Variants in MLLT10 observed in about 807,000 individuals in gnomAD.
The protein encoded by MLLT10 is protein AF-10.
Under a neutral mutation model 129.1 loss-of-function variants are expected in MLLT10, and 30 were observed. The observed-to-expected ratio is 0.23, with a 90% CI of 0.17 to 0.32. The LOEUF (loss-of-function observed/expected upper bound fraction) is 0.32. Among genes scored for constraint, MLLT10 ranks in the 10% least tolerant of loss-of-function variants. The pLI is 1.00. For synonymous variants in MLLT10, 490 were observed against 446.4 expected (o/e 1.10, Z -1.23); for missense variants, 1,119 against 1,268.3 (o/e 0.88, Z 1.79).
intron 8 of MLLT10, among the ~76,000 whole-genome samples, chr10:21,643,552 G>A (rs2048215659): frequency 1.3e-5 from 2 of 152,058 alleles, no homozygotes; most frequent in Admixed American, 1.3e-4. Flanking sequence ...TAGGACTTGT[G>A]TTCTCTGATT....
chr10:21,701,232 G>T (rs1344161798), intron 13 of MLLT10, among the ~76,000 whole-genome samples: 1 of 148,494 alleles, frequency 6.7e-6, no homozygotes, highest in East Asian at 2.0e-4. Context: ...TGTCTAGCTA[G>T]CAGTTCATCA....
At chr10:21,534,829 G>A in intron 2 of MLLT10, 25 bp downstream of exon 2, 1 of 1,561,542 alleles carries the variant, frequency 6.4e-7, no homozygotes, top group Non-Finnish European at 8.7e-7. Context: ...GCCCGCCGGG[G>A]CGCGCCGGCC....
At chr10:21,726,525 A>C (rs1290598675) in intron 15 of MLLT10, among the ~76,000 whole-genome samples, 170 bp downstream of exon 15, 4 of 152,244 alleles carry the variant, frequency 2.6e-5, no homozygotes, top group African/African-American at 9.6e-5. Context: ...GGTGCTGGTT[A>C]TGTTAACTAG....
intron 3 of MLLT10, among the ~76,000 whole-genome samples, chr10:21,550,787 C>A (rs922247599): frequency 6.6e-6 from 1 of 152,032 alleles, no homozygotes; most frequent in African/African-American, 2.4e-5. Context: ...CTGACTCAGC[C>A]TACCAAAGTG....
In MLLT10 at chr10:21,582,814, A is replaced by G. The variant is rs534782482; in HGVS notation, c.241-3480A>G. Among the ~76,000 whole-genome samples, 9 of 152,336 alleles carry G rather than the reference A, an allele frequency of 5.9e-5. No individual in the cohort carries two copies. The South Asian group carries it at 1.9e-3, about 32-fold the overall frequency. Reference sequence around the variant, plus strand: ...GCGTGAGCAATGTGTCATTGAAAATATCATTACCAGTATATGAAAAGAGCA... The same window carrying G: ...GCGTGAGCAATGTGTCATTGAAAATGTCATTACCAGTATATGAAAAGAGCA... On this transcript the variant is annotated intron_variant, in intron 3 of 22. Transcript: ENST00000307729.
chr10:21,718,309 C>T (rs531797648), intron 14 of MLLT10, among the ~76,000 whole-genome samples: 216 of 152,250 alleles, frequency 1.4e-3, no homozygotes, highest in Non-Finnish European at 2.6e-3. Flanking sequence ...GAAGAGCGGA[C>T]TCCTGTCCAT....
At chr10:21,554,841 A>G (rs1588900565) in intron 3 of MLLT10, among the ~76,000 whole-genome samples, 1 of 144,652 alleles carries the variant, frequency 6.9e-6, no homozygotes, top group African/African-American at 2.6e-5. Flanking sequence ...TTTTTTTTTT[A>G]GACAGAGTTT....
At chr10:21,539,513 C>A (rs2034708447) in intron 3 of MLLT10, among the ~76,000 whole-genome samples, 1 of 151,570 alleles carries the variant, frequency 6.6e-6, no homozygotes, top group Non-Finnish European at 1.5e-5. Context: ...GTGGTTCACA[C>A]CTGTAATCCC....
intron 8 of MLLT10, among the ~76,000 whole-genome samples, chr10:21,630,584 G>T (rs1343814131): frequency 6.6e-6 from 1 of 152,222 alleles, no homozygotes; most frequent in Non-Finnish European, 1.5e-5. Flanking sequence ...AATTTCTCCT[G>T]TAATTCAGTC....
Position 21,730,919 on chromosome 10 carries a change from C to G in MLLT10, c.2083C>G (p.Gln695Glu), listed in dbSNP as rs2131573351. Residue 695 changes from glutamine to glutamate, a missense_variant, in exon 17 of 23, where the codon CAG becomes GAG. Physicochemically the swap from Gln to Glu is conservative, Grantham distance 29. This residue lies in a region of MLLT10 where 1,004 missense variants were observed against 1,008.7 expected (regional missense o/e 1.00). Transcript: ENST00000307729. ...CAACAGATCCCCTGTAAGCAGCTTA[C>G]AGATTCGCTATGATCAACCAGGCAA... ...LSPRSPVSSL[Q>E]IRYDQPGNSS... 1 of 1,614,150 alleles carries G rather than the reference C, an allele frequency of 6.2e-7. No individual in the cohort carries two copies. Among genetic ancestry groups the G allele is most frequent in the East Asian group, 2.2e-5 (1 of 44,882 alleles).
chr10:21,652,069 TGCCTGGCC>T (rs2131324438), intron 9 of MLLT10, among the ~76,000 whole-genome samples: 1 of 152,074 alleles, frequency 6.6e-6, no homozygotes, highest in East Asian at 1.9e-4. Context: ...CGTGCCACTG[TGCCTGGCC>T]AATTTTTTGT....
chr10:21,673,909 A>G lies in MLLT10; in HGVS notation c.1611A>G (p.Pro537=), dbSNP rs766832971. 4.9e-5 allele frequency: 78 copies of G among 1,594,194 alleles called. No homozygotes were observed. The highest frequency in any genetic ancestry group is 3.1e-4 in the East Asian group (14 of 44,652). Residue 537 remains proline, a synonymous_variant, in exon 11 of 23, where the codon CCA becomes CCG. Coordinates refer to ENST00000307729, the MANE Select transcript of MLLT10 (RefSeq NM_001195626.3). ...AGAGCCTCAGTGTTGGCTCATCTCC[A>G]GTTGGTTCAGGTAGGGGTTTGCCTA... is the stretch of plus-strand genomic sequence containing the variant. ...SLQSLSVGSS[P]VGSEISMQYR...
intron 8 of MLLT10, among the ~76,000 whole-genome samples, chr10:21,629,408 G>A (rs1409461533): frequency 6.6e-6 from 1 of 151,554 alleles, no homozygotes; most frequent in Non-Finnish European, 1.5e-5. Flanking sequence ...CTCTCTATTG[G>A]ATGCATAGGT....
chr10:21,707,221 T>C (rs1471332674), intron 13 of MLLT10, among the ~76,000 whole-genome samples: 2 of 148,952 alleles, frequency 1.3e-5, no homozygotes, highest in African/African-American at 2.5e-5. Flanking sequence ...GAGACGGAGT[T>C]TCGCTCTGTT....
At chr10:21,555,812 C>G (rs2037852089) in intron 3 of MLLT10, among the ~76,000 whole-genome samples, 1 of 151,204 alleles carries the variant, frequency 6.6e-6, no homozygotes, top group African/African-American at 2.4e-5. Context: ...GGTTTATAGG[C>G]ATGCACCACG....
intron 3 of MLLT10, among the ~76,000 whole-genome samples, chr10:21,575,733 A>G (rs1039403503): frequency 3.9e-5 from 6 of 152,288 alleles, no homozygotes; most frequent in East Asian, 1.9e-4. Flanking sequence ...GTGTTAAAAT[A>G]TCTTACCACG....
intron 12 of MLLT10, 99 bp downstream of exon 12, chr10:21,681,475 C>A: frequency 2.6e-6 from 2 of 784,166 alleles, no homozygotes; most frequent in South Asian, 1.7e-5. Flanking sequence ...TTTTAATATT[C>A]CAAAATGCAA....
chr10:21,619,865 T>G lies in MLLT10; in HGVS notation c.699+2658T>G, dbSNP rs986310705. Among the ~76,000 whole-genome samples, 48 of 152,228 alleles carry G rather than the reference T, an allele frequency of 3.2e-4. 2 individuals are homozygous for G. Among genetic ancestry groups the G allele is most frequent in the South Asian group, 4.2e-4 (2 of 4,814 alleles). On this transcript the variant is annotated intron_variant, in intron 8 of 22. Coordinates refer to ENST00000307729, the MANE Select transcript of MLLT10 (RefSeq NM_001195626.3). ...ATAAGTGATACTATAGTTAAAAGAT[T>G]GAGTGTTATAGACTATCTTTTTCTC... is the stretch of plus-strand genomic sequence containing the variant.
chr10:21,557,078 G>T, intron 3 of MLLT10: 1 of 1,410,754 alleles, frequency 7.1e-7, no homozygotes, highest in South Asian at 1.7e-5. Flanking sequence ...AAACATTTTT[G>T]AATCATCTCA....
Sources: allele counts gnomAD v4.1 joint callset (sites outside exome capture counted in the v4.1 genomes callset), GRCh38; gene constraint gnomAD v4.1.1; regional missense constraint gnomAD v4.1.1; transcripts MANE v1.5; gene names NCBI Gene and HGNC (gene_info 2026-07-23, HGNC 2026-07-21).